MAST4: variants seen among roughly 807,000 people sequenced by gnomAD.
MAST4 encodes the protein microtubule-associated serine/threonine-protein kinase 4.
A neutral mutation model predicts 162.7 loss-of-function variants in MAST4; 89 were observed. That is an observed-to-expected ratio of 0.55 (90% CI 0.46 to 0.65). The LOEUF is 0.65. Ranked by LOEUF, MAST4 falls within the 30% of genes least tolerant of loss-of-function variation. MAST4 has a pLI of 0.00. For synonymous variants in MAST4, 1,479 were observed against 1,361.1 expected, an observed-to-expected ratio of 1.09 and a Z score of -1.91; for missense variants, 3,153 against 3,374.0, an observed-to-expected ratio of 0.93 and a Z score of 1.62.
In MAST4 at chr5:67,163,719, G is replaced by GTC. The variant is rs1773509010; in HGVS notation, c.4543_4544dup (p.Arg1516ProfsTer18). 6.2e-7 allele frequency: 1 copy of GTC among 1,608,726 alleles called. No individual in the cohort carries two copies. The highest frequency in any genetic ancestry group is 1.7e-5 in the Admixed American group (1 of 59,150). On this transcript the variant is annotated frameshift_variant, in exon 29 of 29. Coordinates refer to ENST00000403625, the MANE Select transcript of MAST4 (RefSeq NM_001164664.2). LOFTEE classifies it low-confidence loss of function (END_TRUNC). The surrounding 1 kb of genome is among the most constrained non-coding windows in gnomAD (Gnocchi z 7.0). ...GGAGCAAGGCTGCCTGAAACGCCCA[G>GTC]TCTCCCGGAAGGTGGGCCGCCAGGA...
intron 3 of MAST4, among the ~76,000 whole-genome samples, chr5:66,802,940 T>TCTTTG (rs1430914633): frequency 6.6e-6 from 1 of 152,276 alleles, no homozygotes; most frequent in East Asian, 1.9e-4. Context: ...GCATATAGGC[T>TCTTTG]CTTTGCTTTG....
At position 66,779,175 on chromosome 5, in the gene MAST4, A is replaced by G. The variant is rs2149655401; in HGVS notation, c.518-9495A>G. Among the ~76,000 whole-genome samples, 2 of 152,338 alleles carry G rather than the reference A, an allele frequency of 1.3e-5. 1 individual carries two copies. The highest frequency in any genetic ancestry group is 2.9e-5 in the Non-Finnish European group (2 of 68,036). On this transcript the variant is annotated intron_variant, in intron 2 of 28. Transcript: ENST00000403625. ...TTTAAGTCTTGTGGAAACATAGTTT[A>G]GCAAATAAATTTCAGTCTTACAGTC...
intron 1 of MAST4, among the ~76,000 whole-genome samples, chr5:66,699,246 T>C (rs547429036): frequency 1.1e-4 from 17 of 152,322 alleles, no homozygotes; most frequent in South Asian, 6.2e-4. Flanking sequence ...TTAGATCTTA[T>C]AGTCACACCA....
At chr5:66,757,814 A>G (rs1199074564) in intron 1 of MAST4, among the ~76,000 whole-genome samples, 1 of 152,192 alleles carries the variant, frequency 6.6e-6, no homozygotes, top group Non-Finnish European at 1.5e-5. Context: ...TTTCTAATTT[A>G]AAAATTGGCA....
At chr5:67,160,324 G>A (rs561747565) in intron 26 of MAST4, 132 bp from the exon 27 acceptor site, 2 of 921,770 alleles carry the variant, frequency 2.2e-6, no homozygotes, top group African/African-American at 3.4e-5. Flanking sequence ...TGATTGAAGG[G>A]TTATTTAGAA....
chr5:66,870,572 G>T (rs1760855267), intron 3 of MAST4, among the ~76,000 whole-genome samples: 1 of 151,426 alleles, frequency 6.6e-6, no homozygotes, highest in Non-Finnish European at 1.5e-5. Flanking sequence ...ATACAAGTTT[G>T]TTTATAATAA....
intron 1 of MAST4, among the ~76,000 whole-genome samples, chr5:66,751,130 C>G (rs548495450): frequency 0.027 from 4,100 of 152,036 alleles, 101 homozygotes; most frequent in Admixed American, 0.042. Context: ...GACATCCACA[C>G]CCAAAACCCA....
rs572208784 is a variant in MAST4 at position 66,812,094 on chromosome 5, C to T, written c.642+23300C>T. ...CGCAAACAACATGATGCAAGGCTGG[C>T]GCGGGCTAGTTGGATAATGGTGAAA... On this transcript the variant is annotated intron_variant, in intron 3 of 28. Transcript: ENST00000403625. 1.6e-3 allele frequency among the ~76,000 whole-genome samples: 246 copies of T among 152,174 alleles called. 9 individuals are homozygous for T. The South Asian group carries it at 0.05, about 31-fold the overall frequency.
intron 4 of MAST4, among the ~76,000 whole-genome samples, chr5:66,985,914 A>T (rs1749427841): frequency 6.6e-6 from 1 of 152,244 alleles, no homozygotes; most frequent in African/African-American, 2.4e-5. Flanking sequence ...CTTCTAAAAA[A>T]GACTCAAGTC....
At chr5:66,830,732 A>G (rs1034290328) in intron 3 of MAST4, among the ~76,000 whole-genome samples, 1 of 152,220 alleles carries the variant, frequency 6.6e-6, no homozygotes, top group Non-Finnish European at 1.5e-5. Flanking sequence ...GTTTTTAGAA[A>G]TTCCACTGTA....
At chr5:66,752,818 C>G (rs577112084) in intron 1 of MAST4, among the ~76,000 whole-genome samples, 3 of 151,956 alleles carry the variant, frequency 2.0e-5, no homozygotes, top group African/African-American at 7.2e-5. Context: ...ACAGAACTCT[C>G]CACCCCAAAT....
At chr5:66,737,234 AGTTCCTT>A (rs1203824317) in intron 1 of MAST4, among the ~76,000 whole-genome samples, 3 of 152,158 alleles carry the variant, frequency 2.0e-5, no homozygotes, top group Non-Finnish European at 4.4e-5. Context: ...CTTCCAAGAC[AGTTCCTT>A]TATGTTGCTG....
At chr5:66,883,385 A>G (rs905704487) in intron 3 of MAST4, among the ~76,000 whole-genome samples, 14 of 150,026 alleles carry the variant, frequency 9.3e-5, no homozygotes, top group African/African-American at 2.9e-4. Context: ...AGCCTTGGCC[A>G]TTGATAAATA....
intron 4 of MAST4, among the ~76,000 whole-genome samples, chr5:66,955,184 C>T (rs1745154353): frequency 6.7e-6 from 1 of 149,680 alleles, no homozygotes; most frequent in South Asian, 2.1e-4. Context: ...TGGACTCCAG[C>T]CTGGGCGACA....
intron 1 of MAST4, among the ~76,000 whole-genome samples, chr5:66,627,593 A>G (rs1200178513): frequency 6.6e-6 from 1 of 152,170 alleles, no homozygotes; most frequent in Admixed American, 6.6e-5. Flanking sequence ...AATTAAACTC[A>G]GCATATACAA....
At chr5:67,015,750 C>A (rs1275951176) in intron 4 of MAST4, among the ~76,000 whole-genome samples, 2 of 152,156 alleles carry the variant, frequency 1.3e-5, no homozygotes, top group African/African-American at 4.8e-5. Context: ...GGACGATTAA[C>A]CTCTGAAACA....
chr5:67,061,306 G>A (rs886552199), intron 5 of MAST4, among the ~76,000 whole-genome samples: 5 of 152,110 alleles, frequency 3.3e-5, no homozygotes, highest in African/African-American at 1.2e-4. Context: ...TAATGTACAT[G>A]TTTTATTTCT....
In MAST4 at chr5:66,713,576, C is replaced by CT. The variant is rs542215436; in HGVS notation, c.364-46132dup. The stretch of plus-strand genomic sequence containing the variant: ...ATGAAGTTTGGGCTTGTTTACCCTC[C>CT]TCCATTTCCGTTGCATTTCTTCTTC... On this transcript the variant is annotated intron_variant, in intron 1 of 28. Coordinates refer to ENST00000403625, the MANE Select transcript of MAST4 (RefSeq NM_001164664.2). Among the ~76,000 whole-genome samples the CT allele has an allele frequency of 1.5e-4, 23 of 152,316 alleles. No homozygotes were observed. In the East Asian group the frequency reaches 4.2e-3, roughly 28 times the overall value.
At chr5:66,927,878 C>T (rs1377811973) in intron 4 of MAST4, among the ~76,000 whole-genome samples, 1 of 152,160 alleles carries the variant, frequency 6.6e-6, no homozygotes, top group Non-Finnish European at 1.5e-5. Flanking sequence ...TGAGGGAGAA[C>T]CTGTTCCATG....
Sources: allele counts gnomAD v4.1 joint callset (sites outside exome capture counted in the v4.1 genomes callset), GRCh38; gene constraint gnomAD v4.1.1; non-coding constraint Gnocchi (gnomAD v3.1); transcripts MANE v1.5; gene names NCBI Gene and HGNC (gene_info 2026-07-23, HGNC 2026-07-21).